Variants in FAM53B observed in about 807,000 individuals in gnomAD.
FAM53B encodes protein FAM53B.
FAM53B carries 12 observed loss-of-function variants against 32.7 expected under a neutral mutation model. The observed-to-expected ratio is 0.37, with a 90% CI of 0.24 to 0.59. The LOEUF is 0.59. Ranked by LOEUF, FAM53B falls within the 20% of genes least tolerant of loss-of-function variation. The pLI is 0.72. For missense variants in FAM53B, 477 were observed against 577.7 expected (o/e 0.83, Z 1.79); for synonymous variants, 234 against 228.7 (o/e 1.02, Z -0.21).
At chr10:124,655,191 T>A (rs2134052944) in intron 4 of FAM53B, among the ~76,000 whole-genome samples, 1 of 152,190 alleles carries the variant, frequency 6.6e-6, no homozygotes, top group Admixed American at 6.5e-5. Context: ...CAGTGTCCTG[T>A]CACATTCAGG....
At chr10:124,706,954 C>T (rs1399799695) in intron 1 of FAM53B, 67 bp from the exon 2 acceptor site, 6 of 1,353,108 alleles carry the variant, frequency 4.4e-6, no homozygotes, top group African/African-American at 1.5e-5. Context: ...AGAGTCACCC[C>T]TCCCACAGTA....
At chr10:124,709,250 A>G (rs1949983349) in intron 1 of FAM53B, among the ~76,000 whole-genome samples, 1 of 152,254 alleles carries the variant, frequency 6.6e-6, no homozygotes, top group Admixed American at 6.5e-5. Context: ...GGCGGCCAGT[A>G]GAATGAAACT....
At chr10:124,690,413 C>A (rs927510735) in intron 3 of FAM53B, among the ~76,000 whole-genome samples, 1 of 152,248 alleles carries the variant, frequency 6.6e-6, no homozygotes, top group African/African-American at 2.4e-5. Context: ...CAAGGTCATG[C>A]TCTTGCAGTT....
chr10:124,704,639 G>C (rs1222647642), intron 2 of FAM53B, among the ~76,000 whole-genome samples: 22 of 152,204 alleles, frequency 1.4e-4, no homozygotes, highest in Non-Finnish European at 4.4e-5. Flanking sequence ...AGTGGGGACC[G>C]AGCAGAGGGG....
chr10:124,712,823 G>T (rs1169129124), intron 1 of FAM53B, among the ~76,000 whole-genome samples: 1 of 152,166 alleles, frequency 6.6e-6, no homozygotes, highest in Non-Finnish European at 1.5e-5. Flanking sequence ...TCTTCACCAG[G>T]ATTTCCACTG....
At chr10:124,725,790 T>C (rs556644978) in intron 1 of FAM53B, among the ~76,000 whole-genome samples, 1 of 152,148 alleles carries the variant, frequency 6.6e-6, no homozygotes, top group Non-Finnish European at 1.5e-5. Context: ...ACAGCTTCCA[T>C]GAAGATGGCT....
intron 4 of FAM53B, among the ~76,000 whole-genome samples, chr10:124,653,138 C>T (rs1949566587): frequency 6.6e-6 from 1 of 152,222 alleles, no homozygotes; most frequent in African/African-American, 2.4e-5. Flanking sequence ...CCTCATGTGC[C>T]CCAATGACAC....
chr10:124,663,024 T>A (rs568482994), intron 4 of FAM53B, among the ~76,000 whole-genome samples: 93 of 152,290 alleles, frequency 6.1e-4, no homozygotes, highest in Non-Finnish European at 9.1e-4. Context: ...CGAGAAACGG[T>A]CACTGAGTCC....
At chr10:124,677,071 TA>T (rs2134065968) in intron 4 of FAM53B, among the ~76,000 whole-genome samples, 1 of 152,302 alleles carries the variant, frequency 6.6e-6, no homozygotes, top group East Asian at 1.9e-4. Flanking sequence ...AGCTTGGAGT[TA>T]AAAATACAGC....
At position 124,623,395 on chromosome 10, in the gene FAM53B, G is replaced by A. The variant is rs755687507; in HGVS notation, c.1116C>T (p.Asp372=). The change falls in exon 5 of 5, where the codon GAC becomes GAT. Residue 372 remains aspartate (D), a synonymous_variant. Transcript: ENST00000337318. ...AGCTGTCTGACTCCTCACAGGACAG[G>A]TCCTCCTGGCAGGCGAGGTGGTCGT... The part of the protein sequence containing the change: ...SFDDHLACQE[D]LSCEESDSCA... 1.9e-6 allele frequency: 3 copies of A among 1,612,214 alleles called. No individual in the cohort carries two copies. The highest frequency in any genetic ancestry group is 1.7e-4 in the Middle Eastern group (1 of 6,060).
At chr10:124,724,217 G>A (rs1005522555) in intron 1 of FAM53B, among the ~76,000 whole-genome samples, 7 of 152,228 alleles carry the variant, frequency 4.6e-5, no homozygotes, top group Non-Finnish European at 7.3e-5. Flanking sequence ...TTCAATGCCA[G>A]AGATGGGGTG....
intron 4 of FAM53B, among the ~76,000 whole-genome samples, chr10:124,679,557 T>C (rs1387826390): frequency 6.6e-6 from 1 of 152,234 alleles, no homozygotes; most frequent in Non-Finnish European, 1.5e-5. Context: ...GACCAGGGTC[T>C]AGACTCTTGG....
intron 1 of FAM53B, among the ~76,000 whole-genome samples, chr10:124,737,769 T>C (rs1270193877): frequency 6.6e-6 from 1 of 152,116 alleles, no homozygotes; most frequent in Non-Finnish European, 1.5e-5. Flanking sequence ...ACTGCAAACC[T>C]GGGTGAAAAA....
At chr10:124,717,186 C>T (rs1321791021) in intron 1 of FAM53B, among the ~76,000 whole-genome samples, 2 of 152,162 alleles carry the variant, frequency 1.3e-5, no homozygotes, top group East Asian at 1.9e-4. Flanking sequence ...TTTCCCTCCT[C>T]GGAGCCTCAG....
chr10:124,721,090 T>C (rs577734972), intron 1 of FAM53B, among the ~76,000 whole-genome samples: 2 of 152,288 alleles, frequency 1.3e-5, no homozygotes, highest in East Asian at 1.9e-4. Context: ...TGGACCCAGC[T>C]ACTCGGGAGG....
chr10:124,662,420 GTCCA>G (rs1192203906), intron 4 of FAM53B, among the ~76,000 whole-genome samples: 15 of 151,882 alleles, frequency 9.9e-5, no homozygotes, highest in East Asian at 1.9e-4. Context: ...TCGTTCGTCC[GTCCA>G]TCCATCCATC....
intron 2 of FAM53B, among the ~76,000 whole-genome samples, chr10:124,705,904 T>C (rs879309661): frequency 6.6e-6 from 1 of 152,192 alleles, no homozygotes; most frequent in Non-Finnish European, 1.5e-5. Context: ...AGTTGGCCCC[T>C]TCCTGATCAC....
At chr10:124,640,256 G>A (rs1425980689) in intron 4 of FAM53B, among the ~76,000 whole-genome samples, 1 of 152,226 alleles carries the variant, frequency 6.6e-6, no homozygotes, top group African/African-American at 2.4e-5. Flanking sequence ...GAGCAGCACA[G>A]CCTCAGGCCC....
chr10:124,692,712 C>A (rs1221457639), intron 3 of FAM53B, among the ~76,000 whole-genome samples: 2 of 49,630 alleles, frequency 4.0e-5, no homozygotes, highest in Non-Finnish European at 7.6e-5. Flanking sequence ...GATACTCCAT[C>A]TCAAAAAAAA....
Sources: gnomAD v4.1 joint callset for allele counts (sites outside exome capture counted in the v4.1 genomes callset) on GRCh38, gnomAD v4.1.1 for gene constraint, MANE v1.5 for transcripts, NCBI Gene and HGNC (gene_info 2026-07-23, HGNC 2026-07-21) for gene names.